The following DNAH12 variants were observed in gnomAD, a reference collection of about 807,000 sequenced individuals.
DNAH12 encodes the protein axonemal beta dynein heavy chain 12.
In DNAH12, 285 loss-of-function variants were observed where a neutral mutation model predicts 371.5. The observed-to-expected ratio is 0.77, with a 90% CI of 0.70 to 0.85. The LOEUF (loss-of-function observed/expected upper bound fraction) is 0.85. DNAH12 is among the 40% of genes least tolerant of loss of function. The pLI, the probability that DNAH12 is intolerant of heterozygous loss-of-function variation, is 0.00. For missense variants in DNAH12, 3,611 were observed against 3,689.4 expected, an observed-to-expected ratio of 0.98 and a Z score of 0.55; for synonymous variants, 1,200 against 1,213.0, an observed-to-expected ratio of 0.99 and a Z score of 0.22.
At chr3:57,309,951 G>A in intron 67 of DNAH12, 97 bp from the exon 68 acceptor site, 10 of 1,059,726 alleles carry the variant, frequency 9.4e-6, no homozygotes, top group Non-Finnish European at 1.3e-5. Context: ...TTTGGCATAG[G>A]GGTTATGTGA....
chr3:57,355,515 G>A (rs2062778164), intron 59 of DNAH12, among the ~76,000 whole-genome samples: 1 of 147,316 alleles, frequency 6.8e-6, no homozygotes, highest in Non-Finnish European at 1.5e-5. Flanking sequence ...AAGTTTTTGT[G>A]TGAACATATG....
chr3:57,314,805 C>T (rs1223374099), intron 65 of DNAH12, among the ~76,000 whole-genome samples, 174 bp from the exon 66 acceptor site: 1 of 152,070 alleles, frequency 6.6e-6, no homozygotes, highest in East Asian at 1.9e-4. Context: ...TAGTATTCAT[C>T]TTATGATTTA....
chr3:57,372,881 C>A (rs1171034567), intron 55 of DNAH12, among the ~76,000 whole-genome samples: 1 of 152,022 alleles, frequency 6.6e-6, no homozygotes, highest in Non-Finnish European at 1.5e-5. Context: ...TGTAAATGAT[C>A]TAAATACTGT....
Position 57,462,866 on chromosome 3 carries a change from G to A in DNAH12, c.2359C>T (p.Pro787Ser). Residue 787 changes from proline to serine, a missense_variant, in exon 18 of 74, where the codon CCT becomes TCT. Transcript: ENST00000495027. ...EQIKAFKEYIPTVSILCNPGM... is the reference protein window; with the variant it reads ...EQIKAFKEYISTVSILCNPGM... ...GGATTGCACAGAATGGAGACAGTAG[G>A]AATATATTCCTAATGGCAAAAATAT... 6.5e-7 allele frequency: 1 copy of A among 1,550,222 alleles called. No homozygotes were observed. Among genetic ancestry groups the A allele is most frequent in the East Asian group, 2.4e-5 (1 of 40,872 alleles).
At chr3:57,361,667 T>G (rs2062940059) in intron 58 of DNAH12, among the ~76,000 whole-genome samples, 2 of 151,438 alleles carry the variant, frequency 1.3e-5, no homozygotes, top group African/African-American at 4.9e-5. Context: ...AGCAACTACC[T>G]CCACCAAGAA....
intron 37 of DNAH12, among the ~76,000 whole-genome samples, chr3:57,417,789 A>T (rs543313218): frequency 6.6e-6 from 1 of 152,190 alleles, no homozygotes; most frequent in Admixed American, 6.5e-5. Context: ...GTTAATAAAG[A>T]AACATATATA....
At chr3:57,419,073 A>C (rs148567941) in intron 37 of DNAH12, among the ~76,000 whole-genome samples, 131 of 152,350 alleles carry the variant, frequency 8.6e-4, no homozygotes, top group Non-Finnish European at 1.5e-3. Context: ...ATTAGACTGC[A>C]TACCTTTTTA....
At chr3:57,447,425 A>C in intron 25 of DNAH12, among the ~76,000 whole-genome samples, 1 of 152,192 alleles carries the variant, frequency 6.6e-6, no homozygotes, top group East Asian at 1.9e-4. Context: ...GGGAGTTTCA[A>C]ATTTAACTTC....
At position 57,502,487 on chromosome 3, in the gene DNAH12, A is replaced by G. The variant is rs1395273487; in HGVS notation, c.1087-8T>C. ...GGGGATTGTTTGGACATTCTAACAC[A>G]AATAAAAATAATAACAATGTATACA... On this transcript the variant is annotated splice_polypyrimidine_tract_variant and splice_region_variant and intron_variant, in intron 9 of 73. Transcript: ENST00000495027. The G allele has an allele frequency of 1.2e-6, 2 of 1,612,436 alleles. No individual in the cohort carries two copies. The highest frequency in any genetic ancestry group is 1.7e-5 in the Admixed American group (1 of 59,994).
At chr3:57,401,579 AAAAG>A (rs797031915) in intron 43 of DNAH12, among the ~76,000 whole-genome samples, 10 of 146,918 alleles carry the variant, frequency 6.8e-5, no homozygotes, top group Non-Finnish European at 1.0e-4. Flanking sequence ...AAAAAAAAAA[AAAAG>A]AAGAAGAAGA....
At chr3:57,409,201 A>G (rs1038512697) in intron 39 of DNAH12, among the ~76,000 whole-genome samples, 1 of 152,216 alleles carries the variant, frequency 6.6e-6, no homozygotes, top group Non-Finnish European at 1.5e-5. Flanking sequence ...CACTCAGAGT[A>G]AAAGGTTGCT....
intron 22 of DNAH12, among the ~76,000 whole-genome samples, chr3:57,456,765 T>G (rs1200577607): frequency 6.6e-6 from 1 of 152,134 alleles, no homozygotes; most frequent in East Asian, 1.9e-4. Context: ...GCTCTTGATA[T>G]TCCCCTAAGC....
chr3:57,541,341 C>G (rs935334610), intron 2 of DNAH12, among the ~76,000 whole-genome samples: 3 of 152,026 alleles, frequency 2.0e-5, no homozygotes, highest in African/African-American at 7.2e-5. Context: ...CACCCGGCCT[C>G]TCTTTTTCTT....
At chr3:57,430,126 T>C (rs1257150716) in intron 32 of DNAH12, among the ~76,000 whole-genome samples, 2 of 152,136 alleles carry the variant, frequency 1.3e-5, no homozygotes, top group African/African-American at 4.8e-5. Flanking sequence ...AAAGTGACCA[T>C]AGACCTTTTT....
intron 25 of DNAH12, among the ~76,000 whole-genome samples, chr3:57,447,104 G>A (rs909574244): frequency 1.3e-5 from 2 of 152,162 alleles, no homozygotes; most frequent in Admixed American, 6.5e-5. Flanking sequence ...ATTGGGAAAA[G>A]AAACAGATGA....
intron 12 of DNAH12, among the ~76,000 whole-genome samples, chr3:57,484,512 A>G (rs1227927608): frequency 1.3e-5 from 2 of 152,098 alleles, no homozygotes; most frequent in African/African-American, 4.8e-5. Context: ...CAGGATCTCC[A>G]TCTCTCACCT....
At chr3:57,389,823 T>TGTGTGTGTGTGTGTAA (rs2063575254) in intron 45 of DNAH12, among the ~76,000 whole-genome samples, 1 of 70,340 alleles carries the variant, frequency 1.4e-5, no homozygotes, top group Admixed American at 1.5e-4. Flanking sequence ...TGTGTGTGTG[T>TGTGTGTGTGTGTGTAA]ATATATATAT....
At chr3:57,337,388 G>A (rs781906658) in intron 60 of DNAH12, among the ~76,000 whole-genome samples, 8 of 152,250 alleles carry the variant, frequency 5.3e-5, no homozygotes, top group Middle Eastern at 3.4e-3. Flanking sequence ...AGCTGGGCAC[G>A]GTGGCTCACG....
chr3:57,490,121 A>C (rs1414700364), intron 11 of DNAH12, among the ~76,000 whole-genome samples: 1 of 152,158 alleles, frequency 6.6e-6, no homozygotes, highest in Non-Finnish European at 1.5e-5. Context: ...AAGGATTCTA[A>C]TTCAACCTTT....
Sources: allele counts gnomAD v4.1 joint callset (sites outside exome capture counted in the v4.1 genomes callset), GRCh38; gene constraint gnomAD v4.1.1; transcripts MANE v1.5; gene names NCBI Gene and HGNC (gene_info 2026-07-23, HGNC 2026-07-21).